Variants in AKAP7 observed in about 807,000 individuals in gnomAD.
AKAP7 encodes the protein A kinase (PRKA) anchor protein 7.
A neutral mutation model predicts 39.5 loss-of-function variants in AKAP7; 39 were observed. That is an observed-to-expected ratio of 0.99 (90% CI 0.76 to 1.29). The LOEUF (loss-of-function observed/expected upper bound fraction) is 1.29. Among genes scored for constraint, AKAP7 ranks in the 50% most tolerant of loss-of-function variants. The pLI, the probability that AKAP7 is intolerant of heterozygous loss-of-function variation, is 0.00. For synonymous variants in AKAP7, 140 were observed against 139.1 expected (o/e 1.01, Z -0.05); for missense variants, 414 against 407.7 (o/e 1.02, Z -0.13).
intron 5 of AKAP7, among the ~76,000 whole-genome samples, chr6:131,197,361 A>G (rs1336521184): frequency 6.6e-6 from 1 of 152,108 alleles, no homozygotes; most frequent in Non-Finnish European, 1.5e-5. Flanking sequence ...AAATGCTTGT[A>G]TAGCCTAAAT....
intron 5 of AKAP7, among the ~76,000 whole-genome samples, chr6:131,187,498 A>T (rs1292366882): frequency 6.6e-6 from 1 of 152,108 alleles, no homozygotes. Flanking sequence ...CTTTAAAAAT[A>T]AAGGCCTTTT....
At position 131,281,852 on chromosome 6, in the gene AKAP7, A is replaced by C; in HGVS notation, c.*126A>C. 1 of 1,305,396 alleles carries C rather than the reference A, an allele frequency of 7.7e-7. No homozygotes were observed. The highest frequency in any genetic ancestry group is 9.8e-7 in the Non-Finnish European group (1 of 1,021,996). The allele number at this position is 1,305,396 out of a possible 1,614,324, so 80.9% of individuals were successfully genotyped here. ...CTGGTGCAATCTGTGAAGATTGCCT[A>C]ATACTTTTCATGATCGATGTGTTCG... is the stretch of plus-strand genomic sequence containing the variant. On this transcript the variant is annotated 3_prime_UTR_variant, in exon 8 of 8. Coordinates refer to ENST00000431975, the MANE Select transcript of AKAP7 (RefSeq NM_016377.4). This position sits in a 1 kb window ranked among gnomAD's most constrained non-coding sequence, Gnocchi z 4.0.
intron 2 of AKAP7, among the ~76,000 whole-genome samples, chr6:131,158,377 T>G (rs1389064065): frequency 2.0e-5 from 3 of 152,178 alleles, no homozygotes; most frequent in Non-Finnish European, 2.9e-5. Context: ...TTAGAGGTGA[T>G]CCCAAAGATG....
Position 131,157,970 on chromosome 6 carries a change from A to G in AKAP7, c.152-2089A>G, listed in dbSNP as rs769060068. On this transcript the variant is annotated intron_variant, in intron 2 of 7. Coordinates refer to ENST00000431975, the MANE Select transcript of AKAP7 (RefSeq NM_016377.4). ...TTACCCCATTTTGTAGGTCTTACAA[A>G]TATATGTTGTGGAAAGAAAACATAT... 5.3e-5 allele frequency among the ~76,000 whole-genome samples: 8 copies of G among 152,222 alleles called. No homozygotes were observed. In the South Asian group the frequency reaches 6.2e-4, roughly 12 times the overall value.
At chr6:131,188,005 C>G (rs1806034628) in intron 5 of AKAP7, among the ~76,000 whole-genome samples, 1 of 152,132 alleles carries the variant, frequency 6.6e-6, no homozygotes, top group African/African-American at 2.4e-5. Flanking sequence ...AATGGGAGAA[C>G]TGGGTTGGAG....
intron 5 of AKAP7, among the ~76,000 whole-genome samples, chr6:131,178,383 A>C (rs1804777197): frequency 6.6e-6 from 1 of 152,228 alleles, no homozygotes; most frequent in Non-Finnish European, 1.5e-5. Context: ...GGGCACGCAG[A>C]CAATGTTAAA....
intron 3 of AKAP7, among the ~76,000 whole-genome samples, chr6:131,161,091 T>A (rs1802898197): frequency 6.6e-6 from 1 of 152,174 alleles, no homozygotes; most frequent in African/African-American, 2.4e-5. Flanking sequence ...TTAACTAGAA[T>A]GTCTCTAGGG....
intron 2 of AKAP7, among the ~76,000 whole-genome samples, chr6:131,159,331 G>C (rs1275197321): frequency 2.6e-5 from 4 of 152,194 alleles, no homozygotes. Flanking sequence ...CTGACCTCGT[G>C]ATTCGCCCGC....
chr6:131,184,947 C>G lies in AKAP7; in HGVS notation c.590-14514C>G, dbSNP rs1444572711. On this transcript the variant is annotated intron_variant, in intron 5 of 7. Transcript: ENST00000431975. ...TGCCACACCTTTACCCTTGGATTAC[C>G]CCTTTCCCCGATGCTTGGGAGCATC... 5 of 800,998 alleles carry G rather than the reference C, an allele frequency of 6.2e-6. No homozygotes were observed. The African/African-American group carries it at 8.4e-5, about 13-fold the overall frequency. 49.6% of individuals were successfully genotyped at this position (800,998 alleles called of 1,614,324 possible).
At chr6:131,241,615 G>GTGTGTGTATATACGTATATA (rs1811585093) in intron 7 of AKAP7, among the ~76,000 whole-genome samples, 1 of 101,336 alleles carries the variant, frequency 9.9e-6, no homozygotes, top group African/African-American at 3.5e-5. Flanking sequence ...GTGTGTGTGT[G>GTGTGTGTATATACGTATATA]TGTGTGTGTG....
At chr6:131,131,689 G>C (rs1381508243), upstream of AKAP7, among the ~76,000 whole-genome samples, 16 of 152,114 alleles carry the variant, frequency 1.1e-4, 1 homozygote, top group Admixed American at 1.0e-3. Flanking sequence ...TGTGGCAAAA[G>C]GGATGGTCAG....
At chr6:131,219,935 G>T in intron 7 of AKAP7, 127 bp downstream of exon 7, 1 of 652,284 alleles carries the variant, frequency 1.5e-6, no homozygotes, top group Non-Finnish European at 2.3e-6. Flanking sequence ...TAAATATTAT[G>T]TTTTGACAAT....
intron 6 of AKAP7, among the ~76,000 whole-genome samples, chr6:131,207,179 T>C (rs747683766): frequency 3.3e-5 from 5 of 152,142 alleles, no homozygotes; most frequent in Non-Finnish European, 2.9e-5. Flanking sequence ...TTCTTTTCTG[T>C]GTGGAAGGAG....
intron 7 of AKAP7, among the ~76,000 whole-genome samples, chr6:131,227,377 C>A (rs1472388391): frequency 6.6e-6 from 1 of 151,888 alleles, no homozygotes; most frequent in African/African-American, 2.4e-5. Flanking sequence ...GCTAGGTTTG[C>A]GGGTATGAGG....
intron 7 of AKAP7, among the ~76,000 whole-genome samples, chr6:131,270,611 G>C (rs1425502271): frequency 6.6e-6 from 1 of 152,168 alleles, no homozygotes; most frequent in Non-Finnish European, 1.5e-5. Context: ...GGGTTGCGTT[G>C]TAAGAATATG....
At chr6:131,277,286 G>T (rs1439887824) in intron 7 of AKAP7, among the ~76,000 whole-genome samples, 1 of 152,144 alleles carries the variant, frequency 6.6e-6, no homozygotes, top group African/African-American at 2.4e-5. Context: ...AATTGATCAA[G>T]AATATTCTGG....
upstream of AKAP7, among the ~76,000 whole-genome samples, chr6:131,130,508 C>CTGG (rs1408757832): frequency 6.6e-6 from 1 of 152,190 alleles, no homozygotes; most frequent in Non-Finnish European, 1.5e-5. Context: ...GTTGGTCAGG[C>CTGG]TGGTATCAAA....
intron 1 of AKAP7, among the ~76,000 whole-genome samples, chr6:131,144,013 A>ACCGC (rs1209090623): frequency 7.2e-6 from 1 of 138,164 alleles, no homozygotes; most frequent in Admixed American, 7.7e-5. Flanking sequence ...CACATCTTGC[A>ACCGC]CCGCCCTTAA....
At chr6:131,175,068 C>G (rs1420671193) in intron 5 of AKAP7, among the ~76,000 whole-genome samples, 1 of 152,002 alleles carries the variant, frequency 6.6e-6, no homozygotes, top group Non-Finnish European at 1.5e-5. Flanking sequence ...TATATTCTTA[C>G]GATAAATAAT....
Sources: allele counts gnomAD v4.1 joint callset (sites outside exome capture counted in the v4.1 genomes callset), GRCh38; gene constraint gnomAD v4.1.1; non-coding constraint Gnocchi (gnomAD v3.1); transcripts MANE v1.5; gene names NCBI Gene and HGNC (gene_info 2026-07-23, HGNC 2026-07-21).